BMPR1B: variants seen among roughly 807,000 people sequenced by gnomAD.
BMPR1B encodes the protein bone morphogenetic protein receptor type-1B.
In BMPR1B, 12 loss-of-function variants were observed where a neutral mutation model predicts 59.1. That is an observed-to-expected ratio of 0.20 (90% CI 0.13 to 0.33). The LOEUF is 0.33. Ranked by LOEUF, BMPR1B falls within the 10% of genes least tolerant of loss-of-function variation. The pLI is 1.00. For missense variants in BMPR1B, 550 were observed against 610.9 expected, an observed-to-expected ratio of 0.90 and a Z score of 1.05; for synonymous variants, 237 against 207.3, an observed-to-expected ratio of 1.14 and a Z score of -1.23.
intron 1 of BMPR1B, among the ~76,000 whole-genome samples, chr4:94,786,527 ATTTT>A (rs1436507714): frequency 6.6e-6 from 1 of 151,978 alleles, no homozygotes; most frequent in African/African-American, 2.4e-5. Flanking sequence ...CACTTAGCTA[ATTTT>A]TATTTATTTA....
intron 3 of BMPR1B, chr4:95,051,859 C>A: frequency 7.4e-7 from 1 of 1,350,280 alleles, no homozygotes; most frequent in Non-Finnish European, 1.0e-6. Context: ...AGGGAAAGTT[C>A]AGGCCAGAAG....
At chr4:94,770,180 G>GGTTTTTTTTTTT (rs771544268) in intron 1 of BMPR1B, among the ~76,000 whole-genome samples, 35 of 106,260 alleles carry the variant, frequency 3.3e-4, no homozygotes, top group African/African-American at 8.3e-4. Flanking sequence ...CTTCGTTTCT[G>GGTTTTTTTTTTT]TGTTTGTTTT....
Position 95,123,880 on chromosome 4 carries a change from C to T in BMPR1B, c.420C>T (p.Val140=), listed in dbSNP as rs1267297222. Residue 140 remains valine (V), a synonymous_variant, in exon 7 of 13, where the codon GTC becomes GTT. Transcript: ENST00000515059. ...ISVTVCSLLL[V]LIILFCYFRY... The stretch of plus-strand genomic sequence containing the variant: ...TGACTGTCTGTAGTTTGCTCTTGGT[C>T]CTTATCATATTATTTTGTTACTTCC... 7 of 1,611,286 alleles carry T rather than the reference C, an allele frequency of 4.3e-6. No homozygotes were observed. In the African/African-American group the frequency reaches 9.4e-5, roughly 22 times the overall value.
At chr4:95,023,470 C>G (rs1176696044) in intron 3 of BMPR1B, among the ~76,000 whole-genome samples, 1 of 152,150 alleles carries the variant, frequency 6.6e-6, no homozygotes, top group Non-Finnish European at 1.5e-5. Flanking sequence ...CAGCCTGAAA[C>G]TCCTAGACCC....
At chr4:94,824,298 T>C (rs1290877218) in intron 1 of BMPR1B, among the ~76,000 whole-genome samples, 1 of 152,226 alleles carries the variant, frequency 6.6e-6, no homozygotes, top group Non-Finnish European at 1.5e-5. Context: ...TCCTTCTCCA[T>C]GAATTCACCT....
rs550701415 is a variant in BMPR1B at position 94,798,739 on chromosome 4, A to C, written c.-183+40671A>C. On this transcript the variant is annotated intron_variant, in intron 1 of 12. Coordinates refer to ENST00000515059, the MANE Select transcript of BMPR1B (RefSeq NM_001203.3). ...AGGGCTCTGATAAACTGAGGTGTTG[A>C]CAGTGGGAGAGATTGAGAGTTGCAG... is the stretch of plus-strand genomic sequence containing the variant. Among the ~76,000 whole-genome samples, 3 of 152,242 alleles carry C rather than the reference A, an allele frequency of 2.0e-5. No individual in the cohort carries two copies. The South Asian group carries it at 6.2e-4, about 32-fold the overall frequency.
intron 2 of BMPR1B, among the ~76,000 whole-genome samples, chr4:94,957,706 A>G (rs1291734896): frequency 4.6e-5 from 7 of 152,316 alleles, no homozygotes; most frequent in African/African-American, 1.7e-4. Flanking sequence ...TAATGAATTA[A>G]AGTATTTCAT....
rs115706545 is a variant in BMPR1B, at chr4:94,770,445, A to T, written c.-183+12377A>T. 7.8e-3 allele frequency among the ~76,000 whole-genome samples: 1,182 copies of T among 152,078 alleles called. 8 individuals are homozygous for T. Among genetic ancestry groups the T allele is most frequent in the African/African-American group, 0.027 (1,112 of 41,498 alleles). On this transcript the variant is annotated intron_variant, in intron 1 of 12. Coordinates refer to ENST00000515059, the MANE Select transcript of BMPR1B (RefSeq NM_001203.3). ...CCTTTTCATGATAACTAAGGCCCTT[A>T]TCCTGAGAAGTATAGTAACCCTATA...
At chr4:94,787,586 T>C (rs1014508365) in intron 1 of BMPR1B, among the ~76,000 whole-genome samples, 3 of 152,188 alleles carry the variant, frequency 2.0e-5, no homozygotes, top group Non-Finnish European at 2.9e-5. Context: ...TAGCTCTTCA[T>C]CAAATGAAAC....
chr4:94,884,543 G>A (rs1233653658), intron 2 of BMPR1B, among the ~76,000 whole-genome samples: 1 of 151,840 alleles, frequency 6.6e-6, no homozygotes, highest in Non-Finnish European at 1.5e-5. Flanking sequence ...ACAAAAAGCT[G>A]ACCTCAAGTC....
At chr4:94,997,327 T>C (rs2030981821) in intron 3 of BMPR1B, among the ~76,000 whole-genome samples, 1 of 152,194 alleles carries the variant, frequency 6.6e-6, no homozygotes, top group South Asian at 2.1e-4. Context: ...GAAAAGCTAA[T>C]ACTCTGGCAC....
At chr4:94,940,721 A>G (rs1729478345) in intron 2 of BMPR1B, among the ~76,000 whole-genome samples, 1 of 152,146 alleles carries the variant, frequency 6.6e-6, no homozygotes, top group Non-Finnish European at 1.5e-5. Flanking sequence ...TCTCCTTTGT[A>G]CTAAATTGAA....
chr4:94,766,494 C>G (rs918574466), intron 1 of BMPR1B, among the ~76,000 whole-genome samples: 1 of 151,152 alleles, frequency 6.6e-6, no homozygotes, highest in Middle Eastern at 3.4e-3. Flanking sequence ...ACTTCCAGCC[C>G]TATACCTGTG....
At chr4:95,108,639 A>G (rs764604995) in intron 4 of BMPR1B, among the ~76,000 whole-genome samples, 71 of 152,074 alleles carry the variant, frequency 4.7e-4, no homozygotes, top group Non-Finnish European at 9.0e-4. Context: ...TCAGGTGCAG[A>G]TACGGCTGCT....
Position 95,125,082 on chromosome 4 carries a change from G to T in BMPR1B, c.546G>T (p.Gln182His), listed in dbSNP as rs1362547455. The T allele has an allele frequency of 6.2e-7, 1 of 1,613,820 alleles. No homozygotes were observed. The highest frequency in any genetic ancestry group is 8.5e-7 in the Non-Finnish European group (1 of 1,179,808). ...PGESLRDLIE[Q>H]SQSSGSGSGL... ...AATCCCTGAGAGACTTAATTGAGCA[G>T]TCTCAGAGCTCAGGAAGTGGATCAG... Residue 182 changes from glutamine (Q) to histidine (H), a missense_variant, in exon 8 of 13, where the codon CAG becomes CAT. Gln to His is a conservative substitution (Grantham distance 24). Around this residue, in one of 6 missense-constraint regions of BMPR1B, gnomAD observed 318 missense variants for 284.6 expected, o/e 1.12. Transcript: ENST00000515059.
chr4:95,134,291 G>A (rs1733606715), intron 10 of BMPR1B, among the ~76,000 whole-genome samples: 1 of 152,094 alleles, frequency 6.6e-6, no homozygotes, highest in South Asian at 2.1e-4. Context: ...ATTTGGGTTG[G>A]TTCCCAGTCT....
chr4:94,868,823 A>C (rs1726359710), intron 1 of BMPR1B, among the ~76,000 whole-genome samples: 1 of 152,202 alleles, frequency 6.6e-6, no homozygotes, highest in African/African-American at 2.4e-5. Context: ...ACTTTAAAAC[A>C]TATATTTCAC....
chr4:94,784,558 A>G (rs1331254774), intron 1 of BMPR1B, among the ~76,000 whole-genome samples: 1 of 152,034 alleles, frequency 6.6e-6, no homozygotes, highest in Non-Finnish European at 1.5e-5. Context: ...AGGTCTTGCT[A>G]TGTGGCACAG....
intron 1 of BMPR1B, among the ~76,000 whole-genome samples, chr4:94,758,930 C>G (rs1013309888): frequency 1.7e-4 from 26 of 152,056 alleles, no homozygotes; most frequent in Non-Finnish European, 3.1e-4. Flanking sequence ...TTTGGTCTCT[C>G]TCTCTCTCTC....
Sources: gnomAD v4.1 joint callset for allele counts (sites outside exome capture counted in the v4.1 genomes callset) on GRCh38, gnomAD v4.1.1 for gene constraint, gnomAD v4.1.1 regional missense constraint, MANE v1.5 for transcripts, NCBI Gene and HGNC (gene_info 2026-07-23, HGNC 2026-07-21) for gene names.